PDE8A: variants seen among roughly 807,000 people sequenced by gnomAD.
PDE8A encodes phosphodiesterase 8A, also known as high affinity cAMP-specific and IBMX-insensitive 3',5'-cyclic phosphodiesterase 8A.
Under a neutral mutation model 105.0 loss-of-function variants are expected in PDE8A, and 59 were observed. The ratio of observed to expected loss-of-function variants is 0.56; its 90% CI spans 0.46 to 0.70. The LOEUF is 0.70. PDE8A is among the 30% of genes least tolerant of loss of function. PDE8A has a pLI of 0.00. For synonymous variants in PDE8A, 355 were observed against 371.9 expected (o/e 0.95, Z 0.52); for missense variants, 1,014 against 1,045.9 (o/e 0.97, Z 0.42).
At chr15:85,040,605 G>C (rs2080789429) in intron 1 of PDE8A, among the ~76,000 whole-genome samples, 1 of 143,414 alleles carries the variant, frequency 7.0e-6, no homozygotes, top group African/African-American at 2.6e-5. Context: ...CTGTCGTCCA[G>C]GCAGGAGTGC....
intron 1 of PDE8A, among the ~76,000 whole-genome samples, chr15:85,009,547 A>G (rs2080207284): frequency 6.6e-6 from 1 of 152,220 alleles, no homozygotes; most frequent in East Asian, 1.9e-4. Context: ...TTCAGGCTGG[A>G]GAAGGGACTA....
chr15:85,040,433 T>C (rs1212329995), intron 1 of PDE8A, among the ~76,000 whole-genome samples: 4 of 151,990 alleles, frequency 2.6e-5, no homozygotes, highest in Non-Finnish European at 4.4e-5. Flanking sequence ...TCTCCTCTTT[T>C]TGTTTTATTT....
At chr15:85,052,767 G>T (rs936376452) in intron 1 of PDE8A, among the ~76,000 whole-genome samples, 4 of 152,198 alleles carry the variant, frequency 2.6e-5, no homozygotes, top group African/African-American at 9.6e-5. Context: ...CTCCCATTTT[G>T]TAGGTTGCCT....
At chr15:85,128,815 A>C (rs2082293531) in intron 20 of PDE8A, among the ~76,000 whole-genome samples, 1 of 152,240 alleles carries the variant, frequency 6.6e-6, no homozygotes, top group Admixed American at 6.5e-5. Flanking sequence ...GGAAATTCAA[A>C]TTAAAACCAC....
chr15:85,074,696 G>T (rs139111552), intron 3 of PDE8A, among the ~76,000 whole-genome samples: 1 of 152,214 alleles, frequency 6.6e-6, no homozygotes, highest in African/African-American at 2.4e-5. Flanking sequence ...GGCATCCATC[G>T]TGCATGATGA....
chr15:85,092,232 T>C (rs1476240145), intron 8 of PDE8A, among the ~76,000 whole-genome samples: 1 of 152,152 alleles, frequency 6.6e-6, no homozygotes, highest in Non-Finnish European at 1.5e-5. Context: ...ATAGGCCAGC[T>C]GCAGGGGCCC....
intron 17 of PDE8A, chr15:85,120,140 CAAAAA>C (rs57092975): frequency 1.5e-5 from 2 of 135,708 alleles, no homozygotes; most frequent in South Asian, 4.7e-4. Flanking sequence ...AGTAAAAAAA[CAAAAA>C]AAAAAAACAA....
rs753384472 is a variant in PDE8A, at chr15:85,136,515, C to T, written c.2254-19C>T. On this transcript the variant is annotated intron_variant, in intron 20 of 21. Coordinates refer to ENST00000394553, the MANE Select transcript of PDE8A (RefSeq NM_002605.3). ...GAACCAGATGTTGGGGTCTCCTGAT[C>T]ACATTTTCTGCTTTACAGACTGATG... 5 of 1,607,152 alleles carry T rather than the reference C, an allele frequency of 3.1e-6. No homozygotes were observed. The South Asian group carries it at 4.4e-5, about 14-fold the overall frequency.
chr15:85,076,196 G>A (rs567633737), intron 4 of PDE8A, among the ~76,000 whole-genome samples: 1 of 152,252 alleles, frequency 6.6e-6, no homozygotes, highest in South Asian at 2.1e-4. Flanking sequence ...TGTTTTCCAG[G>A]GGTATCTTCC....
At chr15:85,126,955 C>A (rs1372882986) in intron 20 of PDE8A, among the ~76,000 whole-genome samples, 1 of 152,162 alleles carries the variant, frequency 6.6e-6, no homozygotes, top group Non-Finnish European at 1.5e-5. Flanking sequence ...CTTTAAAGTG[C>A]TGTTAGCTTT....
chr15:85,127,952 G>A lies in PDE8A; in HGVS notation c.2253+1578G>A, dbSNP rs532966756. ...ATAAAGATAACAAGTACAACCATGG[G>A]ACAGAATAGAAATCCAAGAAACAGA... On this transcript the variant is annotated intron_variant, in intron 20 of 21. Coordinates refer to ENST00000394553, the MANE Select transcript of PDE8A (RefSeq NM_002605.3). Among the ~76,000 whole-genome samples, 20 of 148,014 alleles carry A rather than the reference G, an allele frequency of 1.4e-4. 1 individual carries two copies. In the South Asian group the frequency reaches 1.9e-3, roughly 14 times the overall value.
chr15:85,110,368 A>T (rs1024352439), intron 12 of PDE8A, among the ~76,000 whole-genome samples: 1 of 152,198 alleles, frequency 6.6e-6, no homozygotes, highest in African/African-American at 2.4e-5. Context: ...AATGAAATTC[A>T]CTTAAGTTTC....
At chr15:85,012,338 C>T (rs2080252601) in intron 1 of PDE8A, among the ~76,000 whole-genome samples, 1 of 152,034 alleles carries the variant, frequency 6.6e-6, no homozygotes, top group Admixed American at 6.5e-5. Context: ...GAAAATGTGG[C>T]ACATATACAC....
chr15:85,022,407 TTGTC>T (rs1412616654), intron 1 of PDE8A, among the ~76,000 whole-genome samples: 1 of 148,784 alleles, frequency 6.7e-6, no homozygotes, highest in Non-Finnish European at 1.5e-5. Context: ...CCAGGCAGCT[TTGTC>T]TGGGTATTGG....
intron 16 of PDE8A, among the ~76,000 whole-genome samples, 156 bp from the exon 17 acceptor site, chr15:85,117,485 G>C (rs994989): frequency 0.2 from 30,306 of 152,078 alleles, 3,971 homozygotes; most frequent in Middle Eastern, 0.32. Flanking sequence ...AACCAGAGTT[G>C]GTTGGCCCCA....
chr15:85,053,376 A>G (rs890483434), intron 1 of PDE8A, among the ~76,000 whole-genome samples: 2 of 152,204 alleles, frequency 1.3e-5, no homozygotes, highest in Non-Finnish European at 2.9e-5. Context: ...TGGTAGCTTG[A>G]TGGAGATGGC....
In PDE8A at chr15:85,067,220, GGGCCTAAATAGTCCCATT is replaced by G; in HGVS notation, c.434+22_434+39del. The G allele has an allele frequency of 6.3e-7, 1 of 1,590,944 alleles. No homozygotes were observed. Among genetic ancestry groups the G allele is most frequent in the Non-Finnish European group, 8.6e-7 (1 of 1,166,816 alleles). ...CACTGTGCAGGTAAGCCCAAGACTC[GGGCCTAAATAGTCCCATT>G]GGCCTTTCTGACAATACATGCAGCC... On this transcript the variant is annotated intron_variant, in intron 3 of 21. Transcript: ENST00000394553.
chr15:85,000,865 A>G (rs1209469250), intron 1 of PDE8A, among the ~76,000 whole-genome samples: 1 of 152,164 alleles, frequency 6.6e-6, no homozygotes, highest in Non-Finnish European at 1.5e-5. Flanking sequence ...TTTTTATCCC[A>G]CCTTATCCAT....
chr15:84,982,449 G>T (rs2079731785), intron 1 of PDE8A, 101 bp downstream of exon 1: 2 of 665,954 alleles, frequency 3.0e-6, no homozygotes, highest in East Asian at 3.5e-5. Context: ...ACCCGGCCTC[G>T]GTGCCCTCTT....
Sources: gnomAD v4.1 joint callset for allele counts (sites outside exome capture counted in the v4.1 genomes callset) on GRCh38, gnomAD v4.1.1 for gene constraint, MANE v1.5 for transcripts, NCBI Gene and HGNC (gene_info 2026-07-23, HGNC 2026-07-21) for gene names.